SKIC3: variants seen among roughly 807,000 people sequenced by gnomAD.
SKIC3 encodes SKI3 subunit of superkiller complex, also known as superkiller complex protein 3.
At chr5:95,504,818 T>C in the SKIC3 span, among the ~76,000 whole-genome samples, 7 of 151,906 alleles carry the variant, frequency 4.6e-5, no homozygotes, top group Non-Finnish European at 1.5e-5. Flanking sequence ...CTGGCCAACA[T>C]GATGAAACCC....
chr5:95,490,952 C>T, the SKIC3 span: 5 of 1,613,970 alleles, frequency 3.1e-6, no homozygotes, highest in African/African-American at 6.7e-5. Context: ...TAAATCTATC[C>T]TCTTTGGCTG....
chr5:95,526,120 TAA>T, the SKIC3 span, among the ~76,000 whole-genome samples: 2 of 152,278 alleles, frequency 1.3e-5, no homozygotes, highest in East Asian at 3.9e-4. Flanking sequence ...ACAACATCCT[TAA>T]CACTATCAAA....
chr5:95,522,325 G>A, the SKIC3 span: 129 of 1,611,780 alleles, frequency 8.0e-5, no homozygotes, highest in Admixed American at 6.7e-4. Flanking sequence ...TTAAAAAACC[G>A]TAAGAGAACT....
chr5:95,553,911 C>T, the SKIC3 span, among the ~76,000 whole-genome samples: 1 of 152,194 alleles, frequency 6.6e-6, no homozygotes, highest in Non-Finnish European at 1.5e-5. Flanking sequence ...GCTTGAGTAA[C>T]AATTCTGCTA....
At chr5:95,522,976 T>A in the SKIC3 span, among the ~76,000 whole-genome samples, 1 of 152,170 alleles carries the variant, frequency 6.6e-6, no homozygotes, top group African/African-American at 2.4e-5. Flanking sequence ...TATACATATG[T>A]ATTAAGACTT....
the SKIC3 span, chr5:95,524,733 A>C: frequency 8.8e-7 from 1 of 1,138,614 alleles, no homozygotes; most frequent in Non-Finnish European, 1.2e-6. Flanking sequence ...TCACTTTAGG[A>C]TTTATATTAT....
the SKIC3 span, among the ~76,000 whole-genome samples, chr5:95,533,253 C>G: frequency 6.6e-6 from 1 of 152,032 alleles, no homozygotes; most frequent in African/African-American, 2.4e-5. Flanking sequence ...TTTCAATTCT[C>G]AACAGGCAAA....
the SKIC3 span, chr5:95,522,086 T>C: frequency 3.7e-6 from 6 of 1,613,758 alleles, no homozygotes; most frequent in Non-Finnish European, 5.1e-6. Flanking sequence ...TTCTTTCTTT[T>C]TAATGATCAT....
the SKIC3 span, among the ~76,000 whole-genome samples, chr5:95,509,089 AACACAT>A: frequency 1.3e-5 from 2 of 152,204 alleles, no homozygotes; most frequent in Admixed American, 1.3e-4. Flanking sequence ...AAAATTTGGG[AACACAT>A]CTTTTCATCT....
the SKIC3 span, chr5:95,503,987 G>A: frequency 6.3e-7 from 1 of 1,584,922 alleles, no homozygotes; most frequent in African/African-American, 1.4e-5. Context: ...TAATTCTGGT[G>A]TGTATCATCA....
chr5:95,520,733 T>C, the SKIC3 span: 8 of 1,610,180 alleles, frequency 5.0e-6, no homozygotes, highest in African/African-American at 1.3e-5. Flanking sequence ...AATATTCCAG[T>C]GCTTTTTCTA....
At chr5:95,553,304 G>A in the SKIC3 span, among the ~76,000 whole-genome samples, 2 of 152,196 alleles carry the variant, frequency 1.3e-5, no homozygotes, top group Non-Finnish European at 2.9e-5. Flanking sequence ...TGGAAACAAG[G>A]CTGTAGAGAG....
chr5:95,484,883 A>G, the SKIC3 span: 2 of 1,606,512 alleles, frequency 1.2e-6, no homozygotes, highest in African/African-American at 1.3e-5. Flanking sequence ...TTCTTCTGCA[A>G]TTTATAATGT....
the SKIC3 span, among the ~76,000 whole-genome samples, chr5:95,503,611 T>C: frequency 1.8e-4 from 28 of 152,182 alleles, no homozygotes; most frequent in African/African-American, 6.3e-4. Flanking sequence ...CTCATAACAC[T>C]ACTATAAAGA....
the SKIC3 span, chr5:95,517,255 A>G: frequency 3.1e-6 from 5 of 1,613,384 alleles, no homozygotes; most frequent in Non-Finnish European, 4.2e-6. Flanking sequence ...GCGACAGCAT[A>G]CAGACAGGTA....
chr5:95,494,271 A>G, the SKIC3 span, among the ~76,000 whole-genome samples: 32 of 152,246 alleles, frequency 2.1e-4, no homozygotes, highest in African/African-American at 6.0e-4. Context: ...AGATAATCAA[A>G]CGATATGCAA....
the SKIC3 span, among the ~76,000 whole-genome samples, chr5:95,479,892 CT>C: frequency 3.3e-5 from 5 of 151,850 alleles, no homozygotes; most frequent in African/African-American, 4.8e-5. Context: ...TAAAGCTATA[CT>C]CAAGAATAAA....
the SKIC3 span, among the ~76,000 whole-genome samples, chr5:95,491,726 C>T: frequency 3.9e-5 from 6 of 151,994 alleles, no homozygotes; most frequent in East Asian, 1.9e-4. Flanking sequence ...AAAAAAGAAA[C>T]GTGAAGGGAA....
At chr5:95,506,801 C>G in the SKIC3 span, 27 of 909,676 alleles carry the variant, frequency 3.0e-5, no homozygotes, top group Non-Finnish European at 4.3e-5. Flanking sequence ...GTTAACAGAG[C>G]CTGTTTCTAT....
Sources: gnomAD v4.1 joint callset for allele counts (sites outside exome capture counted in the v4.1 genomes callset) on GRCh38, gnomAD v4.1.1 for gene constraint, MANE v1.5 for transcripts, NCBI Gene and HGNC (gene_info 2026-07-23, HGNC 2026-07-21) for gene names.